The following NPRL3 variants were observed in gnomAD, a reference collection of about 807,000 sequenced individuals.
The protein encoded by NPRL3 is GATOR1 complex protein NPRL3.
A neutral mutation model predicts 57.2 loss-of-function variants in NPRL3; 23 were observed. The observed-to-expected ratio is 0.40, with a 90% confidence interval of 0.29 to 0.57. The LOEUF (loss-of-function observed/expected upper bound fraction) is 0.57, where lower values mean the gene tolerates loss of function less well. Among genes scored for constraint, NPRL3 ranks in the 20% least tolerant of loss-of-function variants. NPRL3 has a pLI of 0.42. For synonymous variants in NPRL3, 333 were observed against 321.1 expected, an observed-to-expected ratio of 1.04 and a Z score of -0.39; for missense variants, 691 against 767.1, an observed-to-expected ratio of 0.90 and a Z score of 1.17.
At chr16:118,685 G>A (rs1900149401) in intron 4 of NPRL3, among the ~76,000 whole-genome samples, 1 of 152,232 alleles carries the variant, frequency 6.6e-6, no homozygotes, top group Non-Finnish European at 1.5e-5. Flanking sequence ...AAGATGCACA[G>A]TTCATACCAA....
At chr16:132,891 G>C (rs1159219419) in intron 2 of NPRL3, among the ~76,000 whole-genome samples, 1 of 152,052 alleles carries the variant, frequency 6.6e-6, no homozygotes, top group Non-Finnish European at 1.5e-5. Flanking sequence ...GGATGGTCTT[G>C]ATCTCCTGAC....
At chr16:116,797 C>CCCCCCG (rs999833541) in intron 5 of NPRL3, among the ~76,000 whole-genome samples, 2 of 143,752 alleles carry the variant, frequency 1.4e-5, no homozygotes, top group Non-Finnish European at 3.1e-5. Flanking sequence ...ACCCCCCCCC[C>CCCCCCG]CCACCGATCT....
chr16:105,234 C>A (rs1286258497), intron 7 of NPRL3, among the ~76,000 whole-genome samples: 1 of 152,202 alleles, frequency 6.6e-6, no homozygotes, highest in Non-Finnish European at 1.5e-5. Flanking sequence ...TCTCGCCGTT[C>A]ATCTCCAAGA....
At chr16:93,459 G>T (rs1222400465) in intron 9 of NPRL3, 134 bp from the exon 10 acceptor site, 3 of 652,898 alleles carry the variant, frequency 4.6e-6, no homozygotes, top group Non-Finnish European at 8.3e-6. Flanking sequence ...GAACACACCT[G>T]GTGGCTATGG....
intron 5 of NPRL3, 74 bp downstream of exon 5, chr16:117,227 C>T (rs148796095): frequency 4.9e-5 from 52 of 1,065,502 alleles, no homozygotes; most frequent in Admixed American, 1.5e-4. Context: ...GTCAATGACA[C>T]GCTCGTTGGA....
chr16:127,374 T>G (rs570765671), intron 3 of NPRL3, among the ~76,000 whole-genome samples: 13 of 151,364 alleles, frequency 8.6e-5, no homozygotes, highest in African/African-American at 3.2e-4. Flanking sequence ...TGGCTGGGAC[T>G]AAGGGCGCAG....
intron 2 of NPRL3, among the ~76,000 whole-genome samples, chr16:137,062 A>AT (rs1199167712): frequency 1.4e-5 from 1 of 70,430 alleles, no homozygotes; most frequent in African/African-American, 7.2e-5. Flanking sequence ...AAAAAAAAAA[A>AT]AAAAAAAAAT....
At chr16:134,747 G>C (rs1187205104) in intron 2 of NPRL3, among the ~76,000 whole-genome samples, 8 of 136,476 alleles carry the variant, frequency 5.9e-5, no homozygotes, top group African/African-American at 2.2e-4. Context: ...TGTCGCCCAG[G>C]CTGGAGTGCA....
chr16:127,478 C>T (rs1342369925), intron 3 of NPRL3, among the ~76,000 whole-genome samples: 1 of 151,878 alleles, frequency 6.6e-6, no homozygotes, highest in Admixed American at 6.6e-5. Context: ...CAAGTGATCC[C>T]CCCGCCTTGG....
At chr16:135,937 A>C (rs1901053672) in intron 2 of NPRL3, among the ~76,000 whole-genome samples, 1 of 152,184 alleles carries the variant, frequency 6.6e-6, no homozygotes, top group Admixed American at 6.5e-5. Flanking sequence ...CTGAAAAGGA[A>C]ATCCAAATGG....
At chr16:89,539 G>A (rs922329644) in intron 12 of NPRL3, 174 bp downstream of exon 12, 12 of 578,616 alleles carry the variant, frequency 2.1e-5, no homozygotes, top group Non-Finnish European at 2.8e-5. Context: ...TCAGAGTCAC[G>A]GTGGTGCTAG....
chr16:112,779 C>A lies in NPRL3; in HGVS notation c.394-4G>T. 5 of 1,589,568 alleles carry A rather than the reference C, an allele frequency of 3.1e-6. No homozygotes were observed. The highest frequency in any genetic ancestry group is 4.3e-6 in the Non-Finnish European group (5 of 1,162,820). On this transcript the variant is annotated splice_polypyrimidine_tract_variant and splice_region_variant and intron_variant, in intron 5 of 13. Coordinates refer to ENST00000611875, the MANE Select transcript of NPRL3 (RefSeq NM_001077350.3). ...TCACTGACGGGTCTGCGTTGGCCTG[C>A]AGGAGAGAGACCATACACAGACTCA...
intron 9 of NPRL3, among the ~76,000 whole-genome samples, chr16:97,258 CTTT>C (rs528855343): frequency 2.1e-5 from 3 of 145,022 alleles, no homozygotes; most frequent in Non-Finnish European, 1.5e-5. Flanking sequence ...TCTCCCCGTG[CTTT>C]TTTTTTTTTT....
At chr16:91,534 GAGCACCAGC>G (rs1234611069) in intron 11 of NPRL3, among the ~76,000 whole-genome samples, 1 of 152,106 alleles carries the variant, frequency 6.6e-6, no homozygotes, top group Non-Finnish European at 1.5e-5. Flanking sequence ...TCTGAGAAGG[GAGCACCAGC>G]AGCTCCTCCC....
intron 2 of NPRL3, among the ~76,000 whole-genome samples, chr16:132,573 T>G (rs1567149183): frequency 6.6e-6 from 1 of 152,224 alleles, no homozygotes; most frequent in Admixed American, 6.5e-5. Flanking sequence ...GCATCTATAA[T>G]GGCACATGCT....
At chr16:87,259 TCTCA>T (rs1898519129) in intron 13 of NPRL3, among the ~76,000 whole-genome samples, 1 of 150,676 alleles carries the variant, frequency 6.6e-6, no homozygotes, top group African/African-American at 2.4e-5. Context: ...AGAGACGGAG[TCTCA>T]CTCAGTCACC....
intron 5 of NPRL3, among the ~76,000 whole-genome samples, chr16:116,178 C>T (rs1010436322): frequency 2.0e-5 from 3 of 152,016 alleles, no homozygotes; most frequent in South Asian, 2.1e-4. Context: ...ATCCTGCAAA[C>T]ACTGTTCCCC....
chr16:107,069 G>T (rs897838142), intron 7 of NPRL3, among the ~76,000 whole-genome samples: 2 of 152,204 alleles, frequency 1.3e-5, no homozygotes, highest in Admixed American at 1.3e-4. Flanking sequence ...GACTGTTAGG[G>T]TGGGAGTTTG....
intron 13 of NPRL3, 137 bp downstream of exon 13, chr16:88,561 T>G (rs1011725305): frequency 1.2e-6 from 1 of 817,702 alleles, no homozygotes; most frequent in Non-Finnish European, 1.9e-6. Flanking sequence ...CCTACACACC[T>G]GAATGCAGAG....
Sources: gnomAD v4.1 joint callset for allele counts (sites outside exome capture counted in the v4.1 genomes callset) on GRCh38, gnomAD v4.1.1 for gene constraint, MANE v1.5 for transcripts, NCBI Gene and HGNC (gene_info 2026-07-23, HGNC 2026-07-21) for gene names.